The following SGK2 variants were observed in gnomAD, a reference collection of about 807,000 sequenced individuals.
SGK2 encodes the protein serum/glucocorticoid regulated kinase 2, also known as serine/threonine-protein kinase Sgk2.
SGK2 carries 36 observed loss-of-function variants against 47.5 expected under a neutral mutation model. The observed-to-expected ratio is 0.76, with a 90% CI of 0.58 to 1.00. The LOEUF is 1.00. SGK2 is among the 50% of genes least tolerant of loss of function. The pLI is 0.00. For missense variants in SGK2, 404 were observed against 467.4 expected (o/e 0.86, Z 1.25); for synonymous variants, 157 against 181.9 (o/e 0.86, Z 1.10).
In SGK2 at chr20:43,570,737, C is replaced by T; in HGVS notation, c.473+8C>T. On this transcript the variant is annotated splice_region_variant and intron_variant, in intron 7 of 12. Coordinates refer to ENST00000373100, the MANE Select transcript of SGK2 (RefSeq NM_170693.3). ...CCTCAACATCATTTACAGGTGAGGC[C>T]TGCCTGTGGCTCAGAGCCAGGACCA... 2 of 1,590,210 alleles carry T rather than the reference C, an allele frequency of 1.3e-6. No homozygotes were observed. The highest frequency in any genetic ancestry group is 1.7e-6 in the Non-Finnish European group (2 of 1,159,302).
At position 43,572,378 on chromosome 20, in the gene SGK2, T is replaced by C. The variant is rs561166823; in HGVS notation, c.597+241T>C. On this transcript the variant is annotated intron_variant, in intron 9 of 12. Transcript: ENST00000373100. The surrounding 1 kb of genome is among the most constrained non-coding windows in gnomAD (Gnocchi z 4.2). ...CTACTGCAGTGCTATCCAGTAGAAA[T>C]AGAAATAGAAACGCAGGCTGGGCAC... Among the ~76,000 whole-genome samples, 79 of 152,160 alleles carry C rather than the reference T, an allele frequency of 5.2e-4. No individual in the cohort carries two copies. Among genetic ancestry groups the C allele is most frequent in the Middle Eastern group, 6.8e-3 (2 of 294 alleles).
chr20:43,583,492 T>C, intron 12 of SGK2: 1 of 1,155,784 alleles, frequency 8.7e-7, no homozygotes, highest in Admixed American at 4.1e-5. Flanking sequence ...TGTAGCCTTA[T>C]TGAGAAGCTA....
chr20:43,584,675 C>G (rs1368895189), intron 12 of SGK2, among the ~76,000 whole-genome samples, 177 bp from the exon 13 acceptor site: 1 of 152,056 alleles, frequency 6.6e-6, no homozygotes, highest in Non-Finnish European at 1.5e-5. Context: ...GGCAGAATAC[C>G]AGGGGGTGAG....
Position 43,576,252 on chromosome 20 carries a change from A to G in SGK2, c.722A>G (p.Gln241Arg). 6.2e-7 allele frequency: 1 copy of G among 1,614,162 alleles called. No individual in the cohort carries two copies. The change falls in exon 11 of 13, where the codon CAG becomes CGG. Residue 241 changes from glutamine to arginine, a missense_variant. Coordinates refer to ENST00000373100, the MANE Select transcript of SGK2 (RefSeq NM_170693.3). ...CCCTTCTACAGCCAAGATGTATCCC[A>G]GATGTATGAGAACATTCTGCACCAG... is the stretch of plus-strand genomic sequence containing the variant. ...LPPFYSQDVSQMYENILHQPL... is the reference protein window; with the variant it reads ...LPPFYSQDVSRMYENILHQPL...
At position 43,580,031 on chromosome 20, in the gene SGK2, G is replaced by C. The variant is rs1405236690; in HGVS notation, c.909G>C (p.Lys303Asn). 1 of 1,608,800 alleles carries C rather than the reference G, an allele frequency of 6.2e-7. No homozygotes were observed. Among genetic ancestry groups the C allele is most frequent in the East Asian group, 2.2e-5 (1 of 44,686 alleles). The change falls in exon 12 of 13, where the codon AAG (lysine) becomes AAC (asparagine). Residue 303 changes from lysine (K) to asparagine (N), a missense_variant. Lys to Asn is a moderately conservative substitution (Grantham distance 94). Coordinates refer to ENST00000373100, the MANE Select transcript of SGK2 (RefSeq NM_170693.3). The stretch of plus-strand genomic sequence containing the variant: ...TAAACTGGGATGACCTGTACCACAA[G>C]AGGCTAACTCCACCCTTCAACCCAA... ...SPINWDDLYH[K>N]RLTPPFNPNV... is the part of the protein sequence containing the mutation.
intron 1 of SGK2, among the ~76,000 whole-genome samples, chr20:43,564,184 G>C (rs1979542842): frequency 6.6e-6 from 1 of 152,250 alleles, no homozygotes; most frequent in South Asian, 2.1e-4. Flanking sequence ...TGCTCTCTGG[G>C]ACCGTTTCTT....
intron 1 of SGK2, among the ~76,000 whole-genome samples, chr20:43,564,502 CAT>C (rs1979567464): frequency 1.3e-5 from 2 of 151,576 alleles, no homozygotes; most frequent in East Asian, 3.9e-4. Flanking sequence ...CGCGCACACA[CAT>C]ACACACACAC....
chr20:43,585,020 AG>A lies in SGK2; in HGVS notation c.*5del. 1 of 1,611,720 alleles carries A rather than the reference AG, an allele frequency of 6.2e-7. No individual in the cohort carries two copies. The highest frequency in any genetic ancestry group is 8.5e-7 in the Non-Finnish European group (1 of 1,178,344). On this transcript the variant is annotated 3_prime_UTR_variant, in exon 13 of 13. Coordinates refer to ENST00000373100, the MANE Select transcript of SGK2 (RefSeq NM_170693.3). Reference sequence around the variant, plus strand: ...TGATGACATCTTGGATTGCTAGAAGAGAAGGACCTGTGAAACTACTGAGGCC... The same window carrying A: ...TGATGACATCTTGGATTGCTAGAAGAAAGGACCTGTGAAACTACTGAGGCC...
chr20:43,570,566 G>C, intron 6 of SGK2, 51 bp from the exon 7 acceptor site: 1 of 1,282,480 alleles, frequency 7.8e-7, no homozygotes, highest in Non-Finnish European at 1.1e-6. Context: ...GTGCACCCTA[G>C]CCCTACAGCA....
At chr20:43,582,169 TCCTGAGTACCTCAGC>T (rs1980837583) in intron 12 of SGK2, among the ~76,000 whole-genome samples, 1 of 4,104 alleles carries the variant, frequency 2.4e-4, no homozygotes, top group Non-Finnish European at 5.8e-4. Context: ...TACCTCAGCC[TCCTGAGTACCTCAGC>T]CTCCTGAGTA....
At chr20:43,567,259 A>G (rs1034256655) in intron 3 of SGK2, 142 bp downstream of exon 3, 11 of 709,788 alleles carry the variant, frequency 1.5e-5, no homozygotes, top group African/African-American at 8.9e-5. Flanking sequence ...CCCCAGCTCT[A>G]TCTCCCACAA....
intron 10 of SGK2, among the ~76,000 whole-genome samples, chr20:43,575,457 T>G (rs1298661660): frequency 9.9e-6 from 1 of 101,366 alleles, no homozygotes; most frequent in Non-Finnish European, 2.0e-5. Context: ...GGAGGGAGAC[T>G]CTGTCTCAAA....
chr20:43,579,605 T>C (rs1234657332), intron 11 of SGK2, among the ~76,000 whole-genome samples: 1 of 152,158 alleles, frequency 6.6e-6, no homozygotes, highest in Admixed American at 6.5e-5. Context: ...ACTCAAGATG[T>C]ACTGAAGCAG....
chr20:43,578,128 A>C (rs1980577198), intron 11 of SGK2, among the ~76,000 whole-genome samples: 1 of 152,244 alleles, frequency 6.6e-6, no homozygotes, highest in South Asian at 2.1e-4. Context: ...TTGGATTTAC[A>C]AAAAGAAGGC....
At chr20:43,570,006 T>A (rs984284458) in intron 6 of SGK2, among the ~76,000 whole-genome samples, 1 of 152,184 alleles carries the variant, frequency 6.6e-6, no homozygotes, top group Admixed American at 6.5e-5. Flanking sequence ...GGAGCTCCAG[T>A]CAGTGACCCC....
chr20:43,570,109 C>G (rs1260026702), intron 6 of SGK2, among the ~76,000 whole-genome samples: 1 of 152,164 alleles, frequency 6.6e-6, no homozygotes, highest in African/African-American at 2.4e-5. Flanking sequence ...TCCATGCCAG[C>G]AAAATAGTCC....
chr20:43,567,841 C>T (rs1176479170), intron 4 of SGK2, 75 bp from the exon 5 acceptor site: 1 of 1,546,498 alleles, frequency 6.5e-7, no homozygotes, highest in South Asian at 1.1e-5. Flanking sequence ...AAAGCAGGGG[C>T]AGGCGGGAGG....
At position 43,584,949 on chromosome 20, in the gene SGK2, C is replaced by G. The variant is rs1471924861; in HGVS notation, c.1037C>G (p.Ser346Cys). 6.2e-7 allele frequency: 1 copy of G among 1,614,150 alleles called. No individual in the cohort carries two copies. The stretch of plus-strand genomic sequence containing the variant: ...ACCCCTGACACTGTGGCCAGCAGCT[C>G]TGGGGCCTCAAGTGCATTCCTGGGA... The part of the protein sequence containing the change: ...GCTPDTVASS[S>C]GASSAFLGFS... The change falls in exon 13 of 13, where the codon TCT becomes TGT. Residue 346 changes from serine to cysteine, a missense_variant. Transcript: ENST00000373100.
chr20:43,566,438 A>G lies in SGK2; in HGVS notation c.-23-35A>G, dbSNP rs760589241. The G allele has an allele frequency of 8.1e-6, 13 of 1,614,020 alleles. No homozygotes were observed. The Middle Eastern group carries it at 1.3e-3, about 164-fold the overall frequency. On this transcript the variant is annotated intron_variant, in intron 1 of 12. Coordinates refer to ENST00000373100, the MANE Select transcript of SGK2 (RefSeq NM_170693.3). The stretch of plus-strand genomic sequence containing the variant: ...TGGGCGGAGCTGACCCCCCAACACC[A>G]ACTCTCTCATGCCTGCTCCTCCCTG...
Sources: gnomAD v4.1 joint callset for allele counts (sites outside exome capture counted in the v4.1 genomes callset) on GRCh38, gnomAD v4.1.1 for gene constraint, Gnocchi (gnomAD v3.1) non-coding constraint, MANE v1.5 for transcripts, NCBI Gene and HGNC (gene_info 2026-07-23, HGNC 2026-07-21) for gene names.